The following MYOM2 variants were observed in gnomAD, a reference collection of about 807,000 sequenced individuals.
MYOM2 encodes the protein myomesin 2.
MYOM2 carries 254 observed loss-of-function variants against 187.6 expected under a neutral mutation model. The observed-to-expected ratio is 1.35, with a 90% CI of 1.22 to 1.50. MYOM2 has a LOEUF of 1.50. Among genes scored for constraint, MYOM2 ranks in the 40% most tolerant of loss-of-function variants. The pLI, the probability that MYOM2 is intolerant of heterozygous loss-of-function variation, is 0.00. For synonymous variants in MYOM2, 981 were observed against 753.8 expected, an observed-to-expected ratio of 1.30 and a Z score of -4.94; for missense variants, 2,796 against 1,924.0, an observed-to-expected ratio of 1.45 and a Z score of -8.48.
rs79925336 is a variant in MYOM2 at position 2,096,291 on chromosome 8, G to A, written c.2170G>A (p.Gly724Ser). 2.8e-3 allele frequency: 4,486 copies of A among 1,614,064 alleles called. 96 individuals carry two copies. In the Admixed American group the frequency reaches 0.044, roughly 16 times the overall value. The change falls in exon 18 of 37, where the codon GGC becomes AGC. Residue 724 changes from glycine to serine, a missense_variant. Coordinates refer to ENST00000262113, the MANE Select transcript of MYOM2 (RefSeq NM_003970.4). ...PYGITLLNCD[G>S]HSMTLGWKVP... ...TGGGATTACGCTCCTCAACTGTGAC[G>A]GCCACTCCATGACCCTCGGCTGGAA...
intron 34 of MYOM2, 110 bp from the exon 35 acceptor site, chr8:2,142,265 C>T: frequency 1.9e-6 from 2 of 1,073,502 alleles, no homozygotes; most frequent in South Asian, 1.3e-5. Flanking sequence ...AAACGTATCT[C>T]CTTCTTCTTT....
At chr8:2,067,470 G>C (rs2129332705) in intron 6 of MYOM2, among the ~76,000 whole-genome samples, 1 of 152,308 alleles carries the variant, frequency 6.6e-6, no homozygotes, top group Admixed American at 6.5e-5. Context: ...CACCATCCTA[G>C]TGGGATAGTG....
At chr8:2,117,475 A>G (rs925136387) in intron 27 of MYOM2, among the ~76,000 whole-genome samples, 5 of 152,172 alleles carry the variant, frequency 3.3e-5, no homozygotes, top group African/African-American at 7.2e-5. Context: ...TCTCATATCT[A>G]TTCTCTTATT....
At chr8:2,094,209 C>T (rs7841053) in intron 17 of MYOM2, 118 bp downstream of exon 17, 55,458 of 1,331,214 alleles carry the variant, frequency 0.042, 1,391 homozygotes, top group African/African-American at 0.1. Flanking sequence ...GACTAAATTC[C>T]TGAACAGAGA....
intron 8 of MYOM2, 144 bp downstream of exon 8, chr8:2,069,641 G>C (rs1819147151): frequency 2.0e-6 from 2 of 976,668 alleles, no homozygotes; most frequent in African/African-American, 3.3e-5. Flanking sequence ...GAGTGCAGTG[G>C]TGCCATCTCG....
intron 6 of MYOM2, among the ~76,000 whole-genome samples, chr8:2,062,581 T>C (rs1302298590): frequency 6.6e-6 from 1 of 152,162 alleles, no homozygotes; most frequent in East Asian, 1.9e-4. Flanking sequence ...CTGCAAAGGA[T>C]GCCTCTCCTG....
intron 16 of MYOM2, among the ~76,000 whole-genome samples, chr8:2,092,794 G>A (rs181882052): frequency 6.1e-4 from 93 of 152,264 alleles, no homozygotes. Flanking sequence ...TTAGCACTTA[G>A]GCCTTTTCTT....
At chr8:2,144,360 G>C (rs943623592) in intron 36 of MYOM2, among the ~76,000 whole-genome samples, 2 of 152,180 alleles carry the variant, frequency 1.3e-5, no homozygotes, top group South Asian at 4.1e-4. Flanking sequence ...AAAACATAGA[G>C]CTTAATTAAA....
intron 13 of MYOM2, chr8:2,082,062 A>G (rs1819648954): frequency 6.6e-6 from 1 of 152,182 alleles, no homozygotes; most frequent in Non-Finnish European, 1.5e-5. Flanking sequence ...TGAGACTTAG[A>G]TGGAAAATTG....
chr8:2,137,624 G>T (rs913359070), intron 32 of MYOM2, among the ~76,000 whole-genome samples: 25 of 152,072 alleles, frequency 1.6e-4, no homozygotes, highest in African/African-American at 4.3e-4. Flanking sequence ...CAACAAGAGA[G>T]GGTGACAAGA....
chr8:2,138,348 T>C (rs553564940), intron 32 of MYOM2, among the ~76,000 whole-genome samples: 2 of 152,296 alleles, frequency 1.3e-5, no homozygotes, highest in Admixed American at 1.3e-4. Context: ...ATGCTGACTG[T>C]GGACTGAGAG....
At chr8:2,126,521 C>G (rs893909800) in intron 31 of MYOM2, among the ~76,000 whole-genome samples, 1 of 152,198 alleles carries the variant, frequency 6.6e-6, no homozygotes, top group Non-Finnish European at 1.5e-5. Context: ...CACTGACACA[C>G]ACACTCATAC....
chr8:2,137,145 T>C (rs1372709596), intron 32 of MYOM2, among the ~76,000 whole-genome samples: 2 of 151,256 alleles, frequency 1.3e-5, no homozygotes, highest in Non-Finnish European at 2.9e-5. Flanking sequence ...GCAATAGTTT[T>C]GGCACATAAT....
At chr8:2,093,384 T>C (rs1796374800) in intron 16 of MYOM2, among the ~76,000 whole-genome samples, 1 of 152,230 alleles carries the variant, frequency 6.6e-6, no homozygotes, top group Non-Finnish European at 1.5e-5. Context: ...TTACACGGAC[T>C]GAATATCTAT....
At chr8:2,071,133 C>G (rs1015002831) in intron 8 of MYOM2, among the ~76,000 whole-genome samples, 1 of 151,690 alleles carries the variant, frequency 6.6e-6, no homozygotes, top group African/African-American at 2.4e-5. Flanking sequence ...AAACCCGGCT[C>G]GTTTTTTCTT....
chr8:2,074,676 A>T (rs182442464), intron 10 of MYOM2, among the ~76,000 whole-genome samples: 11 of 152,008 alleles, frequency 7.2e-5, no homozygotes, highest in African/African-American at 2.7e-4. Context: ...GCTGGTCTCG[A>T]ACTCTTGATC....
intron 15 of MYOM2, among the ~76,000 whole-genome samples, chr8:2,091,466 T>C (rs1043894933): frequency 6.6e-6 from 1 of 152,178 alleles, no homozygotes; most frequent in African/African-American, 2.4e-5. Context: ...GGCAGTTAAC[T>C]AGCATGTAAG....
At chr8:2,112,954 G>A (rs1318275972) in intron 25 of MYOM2, among the ~76,000 whole-genome samples, 1 of 152,192 alleles carries the variant, frequency 6.6e-6, no homozygotes, top group East Asian at 1.9e-4. Flanking sequence ...CAGGTTATTA[G>A]TTTTTTGTTT....
chr8:2,094,201 C>A (rs962241380), intron 17 of MYOM2, 110 bp downstream of exon 17: 34 of 1,387,006 alleles, frequency 2.5e-5, no homozygotes, highest in Non-Finnish European at 3.3e-5. Flanking sequence ...GAAAAGGGGA[C>A]TAAATTCCTG....
Sources: allele counts gnomAD v4.1 joint callset (sites outside exome capture counted in the v4.1 genomes callset), GRCh38; gene constraint gnomAD v4.1.1; transcripts MANE v1.5; gene names NCBI Gene and HGNC (gene_info 2026-07-23, HGNC 2026-07-21).